Variants in KLHL32 observed in about 807,000 individuals in gnomAD.
KLHL32 encodes the protein kelch-like protein 32.
In KLHL32, 35 loss-of-function variants were observed where a neutral mutation model predicts 64.8. The ratio of observed to expected loss-of-function variants is 0.54; its 90% confidence interval spans 0.41 to 0.72. KLHL32 has a LOEUF of 0.72. KLHL32 is among the 30% of genes least tolerant of loss of function. The pLI, the probability that KLHL32 is intolerant of heterozygous loss-of-function variation, is 0.00. For missense variants in KLHL32, 589 were observed against 768.5 expected (o/e 0.77, Z 2.76); for synonymous variants, 259 against 281.0 (o/e 0.92, Z 0.78).
At chr6:97,075,702 A>G (rs1791495299) in intron 5 of KLHL32, among the ~76,000 whole-genome samples, 3 of 152,140 alleles carry the variant, frequency 2.0e-5, no homozygotes, top group Admixed American at 1.3e-4. Context: ...TGGAGTACCA[A>G]CCTTTCCTGC....
At chr6:97,021,695 C>T (rs1389167285) in intron 3 of KLHL32, among the ~76,000 whole-genome samples, 4 of 150,896 alleles carry the variant, frequency 2.7e-5, no homozygotes, top group Non-Finnish European at 5.9e-5. Context: ...GAGATGATGA[C>T]TGACAAATTT....
intron 1 of KLHL32, among the ~76,000 whole-genome samples, chr6:96,945,655 G>T (rs757588785): frequency 2.6e-5 from 4 of 152,144 alleles, no homozygotes; most frequent in Non-Finnish European, 5.9e-5. Flanking sequence ...GCACAACATT[G>T]GTGACTTGGG....
intron 5 of KLHL32, among the ~76,000 whole-genome samples, chr6:97,070,010 A>G (rs1790449757): frequency 6.6e-6 from 1 of 151,974 alleles, no homozygotes; most frequent in African/African-American, 2.4e-5. Flanking sequence ...TCTGAAGACA[A>G]TAACTTCTCC....
Position 97,130,886 on chromosome 6 carries a change from C to T in KLHL32, c.1543C>T (p.His515Tyr). 1 of 1,614,050 alleles carries T rather than the reference C, an allele frequency of 6.2e-7. No homozygotes were observed. The highest frequency in any genetic ancestry group is 8.5e-7 in the Non-Finnish European group (1 of 1,179,950). The change falls in exon 9 of 11, where the codon CAT becomes TAT. Residue 515 changes from histidine to tyrosine, a missense_variant. His to Tyr is a moderately conservative substitution (Grantham distance 83). Around this residue, in one of 3 missense-constraint regions of KLHL32, gnomAD observed 172 missense variants for 192.0 expected, o/e 0.90. Transcript: ENST00000369261. ...CAATAATGACCGGATCCTTGTGCGC[C>T]ATATAGATTCTTACAACATAGACAC... The part of the protein sequence containing the change: ...DYNNDRILVR[H>Y]IDSYNIDTDQ...
At chr6:97,107,654 A>C (rs909084098) in intron 6 of KLHL32, among the ~76,000 whole-genome samples, 1 of 152,230 alleles carries the variant, frequency 6.6e-6, no homozygotes, top group Non-Finnish European at 1.5e-5. Flanking sequence ...GAAGAAAACA[A>C]GGGCTTATGA....
intron 5 of KLHL32, among the ~76,000 whole-genome samples, chr6:97,078,258 T>C (rs1248227091): frequency 6.6e-6 from 1 of 152,244 alleles, no homozygotes; most frequent in Non-Finnish European, 1.5e-5. Context: ...CAAATTGTGA[T>C]ATAAAATCAA....
rs1443676906 is a variant in KLHL32 at position 97,130,888 on chromosome 6, T to C, written c.1545T>C (p.His515=). The C allele has an allele frequency of 6.2e-7, 1 of 1,614,078 alleles. No homozygotes were observed. The highest frequency in any genetic ancestry group is 2.2e-5 in the East Asian group (1 of 44,866). Residue 515 remains histidine (H), a synonymous_variant, in exon 9 of 11, where the codon CAT becomes CAC. Transcript: ENST00000369261. ...ATAATGACCGGATCCTTGTGCGCCA[T>C]ATAGATTCTTACAACATAGACACTG... is the stretch of plus-strand genomic sequence containing the variant. The part of the protein sequence containing the change: ...DYNNDRILVR[H]IDSYNIDTDQ...
chr6:97,031,329 T>G (rs1262346844), intron 3 of KLHL32, among the ~76,000 whole-genome samples: 1 of 147,966 alleles, frequency 6.8e-6, no homozygotes, highest in Non-Finnish European at 1.5e-5. Flanking sequence ...TTATAAGCAT[T>G]AAGTTTTTAA....
intron 4 of KLHL32, among the ~76,000 whole-genome samples, chr6:97,061,761 C>T (rs919561821): frequency 2.0e-5 from 3 of 152,140 alleles, no homozygotes; most frequent in African/African-American, 7.2e-5. Context: ...TTTGGCCAGT[C>T]CTTCGAGGCA....
At chr6:96,995,085 A>G (rs1778276289) in intron 3 of KLHL32, among the ~76,000 whole-genome samples, 1 of 152,186 alleles carries the variant, frequency 6.6e-6, no homozygotes, top group African/African-American at 2.4e-5. Flanking sequence ...TTTCATCTAT[A>G]CATTGATAAT....
chr6:96,914,836 G>T, the KLHL32 span: 1 of 152,206 alleles, frequency 6.6e-6, no homozygotes, highest in Non-Finnish European at 1.5e-5. Context: ...AGGCAACCTG[G>T]TGGTTCCCTG....
chr6:96,917,205 CT>C, the KLHL32 span, among the ~76,000 whole-genome samples: 1 of 152,150 alleles, frequency 6.6e-6, no homozygotes, highest in East Asian at 1.9e-4. Flanking sequence ...AAATTAAATG[CT>C]GGGAAGTATG....
chr6:96,996,993 G>A lies in KLHL32; in HGVS notation c.204+20816G>A, dbSNP rs1454662074. 3.3e-5 allele frequency among the ~76,000 whole-genome samples: 5 copies of A among 152,058 alleles called. No individual in the cohort carries two copies. In the South Asian group the frequency reaches 8.3e-4, roughly 25 times the overall value. On this transcript the variant is annotated intron_variant, in intron 3 of 10. Coordinates refer to ENST00000369261, the MANE Select transcript of KLHL32 (RefSeq NM_052904.4). ...GTAAGTTTGAGGAATGGGTTGGGAGGTAGGTAAACAGGACATTGTGATGGA... is the reference window on the plus strand; with the variant it reads ...GTAAGTTTGAGGAATGGGTTGGGAGATAGGTAAACAGGACATTGTGATGGA...
chr6:97,001,291 A>G (rs1027066678), intron 3 of KLHL32, among the ~76,000 whole-genome samples: 16 of 152,328 alleles, frequency 1.1e-4, no homozygotes, highest in Non-Finnish European at 1.6e-4. Flanking sequence ...GGAACTCTCT[A>G]TACTTTCTAC....
intron 3 of KLHL32, among the ~76,000 whole-genome samples, chr6:97,022,058 T>G (rs1275173539): frequency 1.3e-5 from 2 of 150,948 alleles, no homozygotes; most frequent in African/African-American, 5.0e-5. Flanking sequence ...AGTTTTGCAG[T>G]ATCCTCCTAG....
Position 96,985,890 on chromosome 6 carries a change from G to A in KLHL32, c.204+9713G>A, listed in dbSNP as rs150897558. 9.3e-3 allele frequency among the ~76,000 whole-genome samples: 1,416 copies of A among 152,198 alleles called. 29 individuals carry two copies. The highest frequency in any genetic ancestry group is 0.032 in the African/African-American group (1,337 of 41,504). ...TCTCAACTCGTCAAAGTCATTCTCC[G>A]TCCAGCTTTGTTCCATTGCTGGTGA... On this transcript the variant is annotated intron_variant, in intron 3 of 10. Transcript: ENST00000369261.
At chr6:97,063,967 G>GA (rs1789315224) in intron 4 of KLHL32, among the ~76,000 whole-genome samples, 1 of 152,180 alleles carries the variant, frequency 6.6e-6, no homozygotes, top group Non-Finnish European at 1.5e-5. Flanking sequence ...TTAACAAAGT[G>GA]AAAAATTGGT....
chr6:96,918,670 GA>G, the KLHL32 span, among the ~76,000 whole-genome samples: 1 of 152,114 alleles, frequency 6.6e-6, no homozygotes, highest in African/African-American at 2.4e-5. Flanking sequence ...GCCTAAACAT[GA>G]AAGAAAATTT....
rs879144649 is a variant in KLHL32, at chr6:96,924,801, G to GCGCACACACACACACA, written c.-290_-289insGCACACACACACACAC. The GCGCACACACACACACA allele has an allele frequency of 2.7e-5, 4 of 149,008 alleles. No homozygotes were observed. Among genetic ancestry groups the GCGCACACACACACACA allele is most frequent in the Admixed American group, 2.7e-4 (4 of 15,026 alleles). 9.2% of individuals were successfully genotyped at this position (149,008 alleles called of 1,614,324 possible). A position where few individuals can be genotyped will look rare whatever the true frequency, so the allele number is the denominator to read the frequency against. On this transcript the variant is annotated 5_prime_UTR_variant, in exon 1 of 11. Transcript: ENST00000369261. ...CAGTCGCGCGCACACACGCACGCAG[G>GCGCACACACACACACA]CACACACACACACACACACACACAC...
Sources: gnomAD v4.1 joint callset for allele counts (sites outside exome capture counted in the v4.1 genomes callset) on GRCh38, gnomAD v4.1.1 for gene constraint, gnomAD v4.1.1 regional missense constraint, MANE v1.5 for transcripts, NCBI Gene and HGNC (gene_info 2026-07-23, HGNC 2026-07-21) for gene names.